DMD: variants seen among roughly 807,000 people sequenced by gnomAD.
DMD encodes dystrophin, also known as mutant dystrophin.
In DMD, 63 loss-of-function variants were observed where a neutral mutation model predicts 330.1. That is an observed-to-expected ratio of 0.19 (90% CI 0.16 to 0.24). The LOEUF is 0.24. Among genes scored for constraint, DMD ranks in the 10% least tolerant of loss-of-function variants. DMD has a pLI of 1.00. For missense variants in DMD, 3,344 were observed against 2,684.1 expected, an observed-to-expected ratio of 1.25 and a Z score of -5.43; for synonymous variants, 1,223 against 959.8, an observed-to-expected ratio of 1.27 and a Z score of -5.07.
chrX:31,371,456 A>T (rs183064741), intron 60 of DMD, among the ~76,000 whole-genome samples: 1,469 of 112,044 alleles, frequency 0.013, 9 homozygotes, highest in Non-Finnish European at 0.019. Flanking sequence ...AAAACTAAGA[A>T]TTATTTTTTA....
chrX:31,963,208 T>C (rs1035857401), intron 45 of DMD, among the ~76,000 whole-genome samples: 2 of 112,170 alleles, frequency 1.8e-5, no homozygotes, highest in Admixed American at 1.9e-4. Context: ...CAGCGTGTAT[T>C]TGCATGCAAA....
At chrX:32,321,539 C>T (rs1289538422) in intron 41 of DMD, among the ~76,000 whole-genome samples, 2 of 111,276 alleles carry the variant, frequency 1.8e-5, no homozygotes, top group East Asian at 5.7e-4. Flanking sequence ...TGGAGAGTGG[C>T]TGTACTACAT....
At chrX:32,095,208 C>T (rs749608949) in intron 44 of DMD, among the ~76,000 whole-genome samples, 9 of 111,506 alleles carry the variant, frequency 8.1e-5, no homozygotes, top group Non-Finnish European at 1.7e-4. Context: ...CGTCCACTGC[C>T]TCGAGCTACT....
chrX:33,271,656 C>A (rs1278229460), intron 1 of DMD, among the ~76,000 whole-genome samples: 1 of 105,426 alleles, frequency 9.5e-6, no homozygotes, highest in Non-Finnish European at 1.9e-5. Context: ...ATCCCAGCTA[C>A]TTGGGAGGCT....
intron 1 of DMD, among the ~76,000 whole-genome samples, chrX:33,039,518 T>C (rs974786422): frequency 1.7e-4 from 19 of 111,682 alleles, no homozygotes; most frequent in Non-Finnish European, 3.6e-4. Context: ...ACCTTTTTTC[T>C]TCACCTTTAA....
chrX:32,488,614 G>C (rs1024962409), intron 20 of DMD, among the ~76,000 whole-genome samples: 3 of 111,682 alleles, frequency 2.7e-5, no homozygotes, highest in Admixed American at 1.9e-4. Flanking sequence ...AGACACCAAT[G>C]GGTCTGAGAG....
chrX:32,337,752 A>G (rs1321019404), intron 41 of DMD, among the ~76,000 whole-genome samples: 1 of 110,982 alleles, frequency 9.0e-6, no homozygotes, highest in African/African-American at 3.3e-5. Flanking sequence ...AGGATATGCA[A>G]TAAGTCTTCT....
rs775684904 is a variant in DMD, at chrX:33,075,284, G to C, written c.32-55084C>G. On this transcript the variant is annotated intron_variant, in intron 1 of 78. Transcript: ENST00000357033. ...AGTCCTATGATTGCAATCCCTACCA[G>C]TCAGCAGCAAGCACCTATTGCGTAG... 2.1e-4 allele frequency among the ~76,000 whole-genome samples: 24 copies of C among 111,857 alleles called. No homozygotes were observed. In the South Asian group the frequency reaches 9.0e-3, roughly 42 times the overall value.
chrX:31,293,204 AGTGTGTGTGT>A (rs559104990), intron 62 of DMD, among the ~76,000 whole-genome samples: 795 of 58,425 alleles, frequency 0.014, 5 homozygotes, highest in Non-Finnish European at 0.015. Context: ...AGTCTGGTTT[AGTGTGTGTGT>A]GTGTGTGTGT....
chrX:31,907,132 A>G (rs1239448610), intron 47 of DMD, among the ~76,000 whole-genome samples: 1 of 112,165 alleles, frequency 8.9e-6, no homozygotes, highest in African/African-American at 3.2e-5. Context: ...GTCTCCCAGT[A>G]GCAAACCCAG....
chrX:31,845,405 CTCTCTCTCTCTCTCTCTCT>C, intron 48 of DMD, among the ~76,000 whole-genome samples: 1 of 104,948 alleles, frequency 9.5e-6, no homozygotes, highest in African/African-American at 3.4e-5. Flanking sequence ...CTCTCTCTCT[CTCTCTCTCTCTCTCTCTCT>C]CCCTCTCCTC....
intron 43 of DMD, among the ~76,000 whole-genome samples, chrX:32,223,406 C>T (rs999248837): frequency 7.2e-5 from 8 of 111,730 alleles, no homozygotes; most frequent in African/African-American, 2.6e-4. Flanking sequence ...ATTATCGACA[C>T]CTGAATTTGG....
intron 1 of DMD, among the ~76,000 whole-genome samples, chrX:33,069,016 G>A (rs2094705169): frequency 8.9e-6 from 1 of 111,936 alleles, no homozygotes; most frequent in Non-Finnish European, 1.9e-5. Flanking sequence ...CTTTAAACCA[G>A]TAACGTTTTA....
intron 55 of DMD, among the ~76,000 whole-genome samples, chrX:31,556,639 A>C (rs190003639): frequency 8.5e-4 from 95 of 111,135 alleles, no homozygotes; most frequent in Non-Finnish European, 1.7e-4. Context: ...GAATTAAAAA[A>C]ACCCAAGCAT....
intron 44 of DMD, among the ~76,000 whole-genome samples, chrX:32,178,405 A>G (rs962557891): frequency 2.8e-5 from 3 of 105,399 alleles, no homozygotes; most frequent in African/African-American, 1.2e-4. Context: ...ATAGTGTAAA[A>G]TAGTTACCAT....
At chrX:32,200,433 G>A (rs1475305642) in intron 44 of DMD, among the ~76,000 whole-genome samples, 3 of 104,578 alleles carry the variant, frequency 2.9e-5, no homozygotes, top group Non-Finnish European at 3.9e-5. Context: ...ATGCATGTGT[G>A]TAATGCAAGC....
chrX:31,702,768 T>C (rs923779809), intron 52 of DMD, among the ~76,000 whole-genome samples: 1 of 110,771 alleles, frequency 9.0e-6, no homozygotes. Flanking sequence ...CTAGTGATTC[T>C]AACGTGCAGC....
intron 51 of DMD, among the ~76,000 whole-genome samples, chrX:31,770,048 G>T (rs2090245082): frequency 8.9e-6 from 1 of 112,151 alleles, no homozygotes; most frequent in Admixed American, 9.4e-5. Context: ...ATGGAGAAAA[G>T]AGAGTATCAC....
intron 59 of DMD, among the ~76,000 whole-genome samples, chrX:31,461,743 A>T (rs1216403126): frequency 8.9e-6 from 1 of 111,819 alleles, no homozygotes; most frequent in Non-Finnish European, 1.9e-5. Context: ...ACATGCAAAA[A>T]CAAAACAGCA....
Sources: gnomAD v4.1 joint callset for allele counts (sites outside exome capture counted in the v4.1 genomes callset) on GRCh38, gnomAD v4.1.1 for gene constraint, MANE v1.5 for transcripts, NCBI Gene and HGNC (gene_info 2026-07-23, HGNC 2026-07-21) for gene names.